DUSP15: variants seen among roughly 807,000 people sequenced by gnomAD.
DUSP15 encodes the protein dual specificity protein phosphatase 15.
DUSP15 carries 23 observed loss-of-function variants against 26.3 expected under a neutral mutation model. That is an observed-to-expected ratio of 0.87 (90% confidence interval 0.63 to 1.24). The LOEUF is 1.24. Among genes scored for constraint, DUSP15 ranks in the 50% most tolerant of loss-of-function variants. The pLI, the probability that DUSP15 is intolerant of heterozygous loss-of-function variation, is 0.00. For synonymous variants in DUSP15, 143 were observed against 135.5 expected, an observed-to-expected ratio of 1.06 and a Z score of -0.39; for missense variants, 364 against 320.6, an observed-to-expected ratio of 1.14 and a Z score of -1.03.
chr20:31,845,929 A>T (rs934103561), downstream of DUSP15, among the ~76,000 whole-genome samples: 5 of 152,134 alleles, frequency 3.3e-5, no homozygotes, highest in Non-Finnish European at 7.4e-5. Flanking sequence ...AGAGACAGGG[A>T]AAAAAGAGAT....
At chr20:31,862,844 G>C in intron 5 of DUSP15, 102 bp from the exon 6 acceptor site, 1 of 1,259,258 alleles carries the variant, frequency 7.9e-7, no homozygotes, top group Non-Finnish European at 1.1e-6. Context: ...TGCCTCCTGA[G>C]CTCCAACCAT....
downstream of DUSP15, chr20:31,861,057 G>C: frequency 9.0e-7 from 1 of 1,108,412 alleles, no homozygotes; most frequent in Non-Finnish European, 1.1e-6. Flanking sequence ...GAATGACTGG[G>C]AGGCACTCGG....
intron 2 of DUSP15, among the ~76,000 whole-genome samples, chr20:31,867,571 G>A (rs2062794738): frequency 6.6e-6 from 1 of 150,744 alleles, no homozygotes; most frequent in African/African-American, 2.4e-5. Flanking sequence ...GGCATACTTT[G>A]GCACAGTGTG....
At chr20:31,854,058 A>G (rs183444073) in intron 6 of DUSP15, among the ~76,000 whole-genome samples, 2 of 152,220 alleles carry the variant, frequency 1.3e-5, no homozygotes, top group African/African-American at 4.8e-5. Context: ...AAAGAGATGG[A>G]TAATTCAGGC....
chr20:31,866,909 C>A (rs1422453156), intron 3 of DUSP15, among the ~76,000 whole-genome samples, 162 bp downstream of exon 3: 1 of 152,220 alleles, frequency 6.6e-6, no homozygotes, highest in Non-Finnish European at 1.5e-5. Context: ...TGGGCCTCAA[C>A]TGCCAAATAG....
rs1282579605 is a variant in DUSP15 at position 31,870,343 on chromosome 20, C to T, written c.-6G>A. On this transcript the variant is annotated 5_prime_UTR_variant, in exon 1 of 7. Coordinates refer to ENST00000339738, the MANE Select transcript of DUSP15 (RefSeq NM_080611.5). The surrounding 1 kb of genome is among the most constrained non-coding windows in gnomAD (Gnocchi z 6.6). The stretch of plus-strand genomic sequence containing the variant: ...TTGGTCATGCCATTGCCCATGATCC[C>T]GGGGGCGGCGGTCCGGGTGCACCCC... 7.8e-6 allele frequency: 10 copies of T among 1,275,626 alleles called. No homozygotes were observed. Among genetic ancestry groups the T allele is most frequent in the Non-Finnish European group, 9.9e-6 (10 of 1,011,784 alleles). The allele number at this position is 1,275,626 out of a possible 1,614,324, so 79.0% of individuals were successfully genotyped here. A position where few individuals can be genotyped will look rare whatever the true frequency, so the allele number is the denominator to read the frequency against.
chr20:31,849,390 A>T (rs2062424214), intron 8 of DUSP15: 1 of 417,872 alleles, frequency 2.4e-6, no homozygotes, highest in Admixed American at 3.8e-5. Context: ...CTTTGTGTCA[A>T]TGTCCACTTC....
In DUSP15 at chr20:31,861,514, G is replaced by A. The variant is rs755615825; in HGVS notation, c.597C>T (p.Arg199=). The change falls in exon 7 of 7, where the codon CGC becomes CGT. Residue 199 remains arginine, a synonymous_variant. Transcript: ENST00000339738. ...CTTCCCGGGGCGTGCGCGGCACCAGGCGCTGCACGGTTCCCTCGGAGGCTG... is the reference window on the plus strand; with the variant it reads ...CTTCCCGGGGCGTGCGCGGCACCAGACGCTGCACGGTTCCCTCGGAGGCTG... ...HSAASEGTVQ[R]LVPRTPREAH... is the part of the protein sequence containing the mutation. 1.5e-5 allele frequency: 23 copies of A among 1,526,780 alleles called. No homozygotes were observed. Among genetic ancestry groups the A allele is most frequent in the Admixed American group, 2.0e-5 (1 of 49,910 alleles). 94.6% of individuals were successfully genotyped at this position (1,526,780 alleles called of 1,614,324 possible).
Position 31,862,678 on chromosome 20 carries a change from C to A in DUSP15, c.328G>T (p.Gly110Cys), listed in dbSNP as rs769707529. The change falls in exon 6 of 7, where the codon GGC becomes TGC. Residue 110 changes from glycine to cysteine, a missense_variant. Coordinates refer to ENST00000339738, the MANE Select transcript of DUSP15 (RefSeq NM_080611.5). ...ATGGCTTCAAGCACGTCCCGCCAGC[C>A]TAGCCCCGTCACAGTCATCACATAC... The part of the protein sequence containing the change: ...TAYVMTVTGL[G>C]WRDVLEAIKA... 2 of 1,614,144 alleles carry A rather than the reference C, an allele frequency of 1.2e-6. No homozygotes were observed. The highest frequency in any genetic ancestry group is 2.2e-5 in the South Asian group (2 of 91,076).
chr20:31,846,944 A>G (rs1343234489), downstream of DUSP15, among the ~76,000 whole-genome samples: 1 of 152,162 alleles, frequency 6.6e-6, no homozygotes, highest in East Asian at 1.9e-4. Flanking sequence ...AGGGATATGA[A>G]CATGGCTGCG....
chr20:31,867,231 T>C, intron 2 of DUSP15, 78 bp from the exon 3 acceptor site: 1 of 1,297,582 alleles, frequency 7.7e-7, no homozygotes. Flanking sequence ...GCTCACTGCC[T>C]GCCCAGCTCT....
At chr20:31,868,849 C>A (rs1165931749) in intron 2 of DUSP15, among the ~76,000 whole-genome samples, 1 of 152,228 alleles carries the variant, frequency 6.6e-6, no homozygotes, top group Non-Finnish European at 1.5e-5. Context: ...TGCCTGCCAC[C>A]AGCCTGGAAG....
downstream of DUSP15, among the ~76,000 whole-genome samples, chr20:31,858,472 GTC>G (rs1366926689): frequency 6.6e-6 from 1 of 152,218 alleles, no homozygotes; most frequent in Non-Finnish European, 1.5e-5. This position sits in a 1 kb window ranked among gnomAD's most constrained non-coding sequence, Gnocchi z 4.4. Flanking sequence ...GGGCAGGCAG[GTC>G]TCACTTTCTG....
intron 4 of DUSP15, 128 bp from the exon 5 acceptor site, chr20:31,864,109 G>T (rs1013038181): frequency 1.3e-6 from 2 of 1,511,160 alleles, no homozygotes; most frequent in Admixed American, 4.1e-5. Context: ...GCCAGCACAT[G>T]CAGTGAATAT....
At chr20:31,860,208 T>C (rs1321858813), downstream of DUSP15, among the ~76,000 whole-genome samples, 1 of 152,156 alleles carries the variant, frequency 6.6e-6, no homozygotes, top group Non-Finnish European at 1.5e-5. Flanking sequence ...AGTAGGAAGT[T>C]GGGGTGGCAG....
At chr20:31,849,810 C>A in exon 8 of DUSP15, 1 of 1,532,420 alleles carries the variant, frequency 6.5e-7, no homozygotes, top group South Asian at 1.2e-5. Flanking sequence ...CAGCGCTGGG[C>A]TGTGCGCCCG....
chr20:31,863,926 C>T lies in DUSP15; in HGVS notation c.244G>A (p.Gly82Arg), dbSNP rs202212972. The stretch of plus-strand genomic sequence containing the variant: ...ACTCACCAGTGCACAAGGCAGTTCC[C>T]CCCATTAAGGCGGCAGCAGTGGATG... The part of the protein sequence containing the change: ...NFIHCCRLNG[G>R]NCLVHCFAGI... Residue 82 changes from glycine (G) to arginine (R), a missense_variant, in exon 5 of 7, where the codon GGG (glycine) becomes AGG (arginine). By Grantham distance (125) the Gly-to-Arg change is moderately radical (BLOSUM62 -2). Transcript: ENST00000339738. 5.6e-6 allele frequency: 9 copies of T among 1,614,046 alleles called. No homozygotes were observed. In the East Asian group the frequency reaches 1.1e-4, roughly 20 times the overall value.
chr20:31,850,745 C>T, intron 6 of DUSP15: 2 of 1,513,174 alleles, frequency 1.3e-6, no homozygotes, highest in Non-Finnish European at 1.8e-6. Context: ...AAGGAGGAGG[C>T]CAGGGAGGAG....
intron 6 of DUSP15, among the ~76,000 whole-genome samples, chr20:31,855,866 A>G (rs1317779309): frequency 6.6e-6 from 1 of 152,220 alleles, no homozygotes. Context: ...GATGACTTGG[A>G]AGAAGCACTG....
Sources: gnomAD v4.1 joint callset for allele counts (sites outside exome capture counted in the v4.1 genomes callset) on GRCh38, gnomAD v4.1.1 for gene constraint, Gnocchi (gnomAD v3.1) non-coding constraint, MANE v1.5 for transcripts, NCBI Gene and HGNC (gene_info 2026-07-23, HGNC 2026-07-21) for gene names.